Variants in TREM1 observed in about 807,000 individuals in gnomAD.
TREM1 encodes triggering receptor expressed on myeloid cells 1, also known as triggering receptor expressed on monocytes 1.
In TREM1, 16 loss-of-function variants were observed where a neutral mutation model predicts 22.4. The ratio of observed to expected loss-of-function variants is 0.71; its 90% CI spans 0.48 to 1.08. TREM1 has a LOEUF of 1.08. Among genes scored for constraint, TREM1 ranks in the 50% least tolerant of loss-of-function variants. The probability of loss-of-function intolerance (pLI) is 0.00; values close to 1 mark genes in which losing one functional copy is unlikely to be tolerated. For missense variants in TREM1, 283 were observed against 282.9 expected, an observed-to-expected ratio of 1.00 and a Z score of 0.00; for synonymous variants, 110 against 111.6, an observed-to-expected ratio of 0.99 and a Z score of 0.09.
downstream of TREM1, among the ~76,000 whole-genome samples, chr6:41,273,125 A>G (rs1454878909): frequency 6.6e-6 from 1 of 152,212 alleles, no homozygotes; most frequent in Non-Finnish European, 1.5e-5. Context: ...ATGCAGGGCC[A>G]GTTGCAGATT....
chr6:41,270,778 ACTGCAGTCTTGAC>A (rs1269954831), downstream of TREM1, among the ~76,000 whole-genome samples: 1 of 152,094 alleles, frequency 6.6e-6, no homozygotes, highest in East Asian at 1.9e-4. Context: ...TGGTGCAATC[ACTGCAGTCTTGAC>A]CTTCTGGGTT....
At chr6:41,281,256 G>A in intron 2 of TREM1, 103 bp from the exon 3 acceptor site, 2 of 1,308,344 alleles carry the variant, frequency 1.5e-6, no homozygotes, top group African/African-American at 1.5e-5. Flanking sequence ...ATGTGGATGA[G>A]TTGATGGACG....
intron 3 of TREM1, chr6:41,280,456 A>G (rs1767859181): frequency 2.0e-6 from 2 of 1,004,818 alleles, no homozygotes; most frequent in Admixed American, 1.0e-4. Context: ...CCAATACTGC[A>G]TTTAGCCCCA....
chr6:41,276,598 C>T (rs1406755699), intron 3 of TREM1, among the ~76,000 whole-genome samples: 1 of 152,114 alleles, frequency 6.6e-6, no homozygotes, highest in Non-Finnish European at 1.5e-5. Flanking sequence ...AGCTCGGTTT[C>T]CTCACCTATA....
chr6:41,286,566 G>GA (rs1768179675), intron 1 of TREM1, 41 bp downstream of exon 1: 1 of 1,611,480 alleles, frequency 6.2e-7, no homozygotes, highest in East Asian at 2.2e-5. Flanking sequence ...CGAGATCCTG[G>GA]ACCAAACGCC....
chr6:41,284,843 G>A (rs763977542), intron 1 of TREM1, among the ~76,000 whole-genome samples: 1 of 152,282 alleles, frequency 6.6e-6, no homozygotes, highest in Middle Eastern at 3.4e-3. Context: ...GTTCTTCTGG[G>A]AGCAGACTCC....
downstream of TREM1, chr6:41,270,104 A>C (rs1210902808): frequency 1.3e-5 from 2 of 152,202 alleles, no homozygotes; most frequent in Non-Finnish European, 2.9e-5. Context: ...CCCTGGCTCC[A>C]ACCCCACTGC....
At position 41,275,973 on chromosome 6, in the gene TREM1, G is replaced by A. The variant is rs1767648059; in HGVS notation, c.*152C>T. The stretch of plus-strand genomic sequence containing the variant: ...TTAGAGGAACGAGGGCAGTGGGCAG[G>A]AAGGTGAGACGCTGACTTTAGAAAT... On this transcript the variant is annotated 3_prime_UTR_variant, in exon 4 of 4. Coordinates refer to ENST00000244709, the MANE Select transcript of TREM1 (RefSeq NM_018643.5). The A allele has an allele frequency of 4.7e-6, 3 of 633,452 alleles. No homozygotes were observed. Among genetic ancestry groups the A allele is most frequent in the Non-Finnish European group, 8.5e-6 (3 of 353,576 alleles). The allele number at this position is 633,452 out of a possible 1,614,324, so 39.2% of individuals were successfully genotyped here.
At chr6:41,285,573 A>G (rs1768128910) in intron 1 of TREM1, among the ~76,000 whole-genome samples, 2 of 152,244 alleles carry the variant, frequency 1.3e-5, no homozygotes, top group African/African-American at 4.8e-5. Context: ...ATAAGTATCC[A>G]GTTGCAAGGA....
chr6:41,277,808 C>T (rs561106001), intron 3 of TREM1, among the ~76,000 whole-genome samples: 1 of 152,248 alleles, frequency 6.6e-6, no homozygotes, highest in East Asian at 1.9e-4. Context: ...GTGAGATACC[C>T]CTTGGTTATG....
At chr6:41,277,075 A>AT (rs1287256672) in intron 3 of TREM1, among the ~76,000 whole-genome samples, 1 of 151,884 alleles carries the variant, frequency 6.6e-6, no homozygotes, top group Non-Finnish European at 1.5e-5. Flanking sequence ...AATAAAATAA[A>AT]AAAAAAACAA....
intron 3 of TREM1, among the ~76,000 whole-genome samples, chr6:41,268,347 C>G (rs558159126): frequency 6.6e-6 from 1 of 152,188 alleles, no homozygotes; most frequent in Non-Finnish European, 1.5e-5. Context: ...TATGTTTAAG[C>G]GTATCCTTAT....
rs911080773 is a variant in TREM1, at chr6:41,282,890, T to C, written c.50-139A>G. The C allele has an allele frequency of 5.2e-6, 4 of 774,828 alleles. No individual in the cohort carries two copies. In the East Asian group the frequency reaches 9.8e-5, roughly 19 times the overall value. The allele number at this position is 774,828 out of a possible 1,614,324, so 48.0% of individuals were successfully genotyped here. A position where few individuals can be genotyped will look rare whatever the true frequency, so the allele number is the denominator to read the frequency against. On this transcript the variant is annotated intron_variant, in intron 1 of 3. Coordinates refer to ENST00000244709, the MANE Select transcript of TREM1 (RefSeq NM_018643.5). ...AGGTTCTTGAGGCCTCCAGAGAAAA[T>C]ACAACTTGCCCTGCAAGCCAGCACT... is the stretch of plus-strand genomic sequence containing the variant.
Position 41,281,165 on chromosome 6 carries a change from C to G in TREM1, c.407-12G>C. The stretch of plus-strand genomic sequence containing the variant: ...GGTCCCTGAAAAACCTGCAAGAAGA[C>G]ACATTGGATGGATGGATGGACAGAT... On this transcript the variant is annotated splice_polypyrimidine_tract_variant and intron_variant, in intron 2 of 3. Transcript: ENST00000244709. The G allele has an allele frequency of 6.2e-7, 1 of 1,611,390 alleles. No individual in the cohort carries two copies. Among genetic ancestry groups the G allele is most frequent in the Non-Finnish European group, 8.5e-7 (1 of 1,178,158 alleles).
At position 41,275,801 on chromosome 6, in the gene TREM1, A is replaced by G; in HGVS notation, c.*324T>C. On this transcript the variant is annotated 3_prime_UTR_variant, in exon 4 of 4. Coordinates refer to ENST00000244709, the MANE Select transcript of TREM1 (RefSeq NM_018643.5). ...GAGAAGTATCAGGTGTGCCTTCTGC[A>G]TGTCACAGCCCCCACAAGAGAATTA... The G allele has an allele frequency of 2.8e-6, 1 of 354,776 alleles. No homozygotes were observed. The highest frequency in any genetic ancestry group is 6.4e-5 in the East Asian group (1 of 15,684). The allele number at this position is 354,776 out of a possible 1,614,324, so 22.0% of individuals were successfully genotyped here.
rs546310662 is a variant in TREM1, at chr6:41,273,959, T to C, written c.*2166A>G. On this transcript the variant is annotated 3_prime_UTR_variant, in exon 4 of 4. Transcript: ENST00000244709. ...CAGGGAGCCTGCTGGTTTAGCCACA[T>C]TGGTCAGGTTCCCAGGCAGGATGGG... Among the ~76,000 whole-genome samples the C allele has an allele frequency of 2.4e-4, 36 of 152,352 alleles. No homozygotes were observed. The highest frequency in any genetic ancestry group is 7.9e-4 in the African/African-American group (33 of 41,580).
chr6:41,271,599 C>T (rs1429411891), downstream of TREM1, among the ~76,000 whole-genome samples: 1 of 152,222 alleles, frequency 6.6e-6, no homozygotes, highest in African/African-American at 2.4e-5. Flanking sequence ...GACTCTGTCT[C>T]GCTTTTCTTT....
At chr6:41,281,984 T>C in intron 2 of TREM1, 1 of 208,230 alleles carries the variant, frequency 4.8e-6, no homozygotes, top group Non-Finnish European at 9.8e-6. Flanking sequence ...ACCCATTCAG[T>C]TGGAGTGTGC....
At chr6:41,276,786 GT>G (rs1214057204) in intron 3 of TREM1, among the ~76,000 whole-genome samples, 1 of 152,110 alleles carries the variant, frequency 6.6e-6, no homozygotes, top group African/African-American at 2.4e-5. Context: ...GCACAAGGAT[GT>G]GGCATGGTAA....
Sources: allele counts gnomAD v4.1 joint callset (sites outside exome capture counted in the v4.1 genomes callset), GRCh38; gene constraint gnomAD v4.1.1; transcripts MANE v1.5; gene names NCBI Gene and HGNC (gene_info 2026-07-23, HGNC 2026-07-21).